TPD52: variants seen among roughly 807,000 people sequenced by gnomAD.
TPD52 encodes the protein prostate and colon associated protein.
Under a neutral mutation model 31.3 loss-of-function variants are expected in TPD52, and 17 were observed. The observed-to-expected ratio is 0.54, with a 90% CI of 0.37 to 0.82. TPD52 has a LOEUF of 0.82. Among genes scored for constraint, TPD52 ranks in the 40% least tolerant of loss-of-function variants. TPD52 has a pLI of 0.00. For synonymous variants in TPD52, 83 were observed against 89.6 expected, an observed-to-expected ratio of 0.93 and a Z score of 0.42; for missense variants, 212 against 240.1, an observed-to-expected ratio of 0.88 and a Z score of 0.77.
chr8:80,154,938 T>C (rs2131219213), intron 1 of TPD52, among the ~76,000 whole-genome samples: 1 of 151,978 alleles, frequency 6.6e-6, no homozygotes, highest in South Asian at 2.1e-4. Context: ...CTATTATAAT[T>C]GTTTTTTGGG....
intron 1 of TPD52, among the ~76,000 whole-genome samples, chr8:80,145,773 G>A (rs1054883613): frequency 6.6e-6 from 1 of 152,126 alleles, no homozygotes; most frequent in African/African-American, 2.4e-5. Flanking sequence ...ATTTTCACTT[G>A]TCCGAGATGA....
At chr8:80,116,382 G>T (rs1586330069) in intron 1 of TPD52, among the ~76,000 whole-genome samples, 1 of 150,822 alleles carries the variant, frequency 6.6e-6, no homozygotes, top group East Asian at 2.0e-4. Flanking sequence ...ATGACCAACT[G>T]TGTGCCAACA....
chr8:80,081,385 C>T (rs1297071923), intron 1 of TPD52, among the ~76,000 whole-genome samples: 1 of 120,852 alleles, frequency 8.3e-6, no homozygotes, highest in Non-Finnish European at 1.8e-5. Context: ...TTTCCTTTAA[C>T]ACAGTCTCTT....
In TPD52 at chr8:80,154,249, C is replaced by T. The variant is rs546393712; in HGVS notation, c.19+17176G>A. Among the ~76,000 whole-genome samples the T allele has an allele frequency of 2.0e-3, 304 of 152,286 alleles. 6 individuals are homozygous for T. The highest frequency in any genetic ancestry group is 3.8e-4 in the Non-Finnish European group (26 of 68,000). Reference sequence around the variant, plus strand: ...GAAGAGAGACAGAGAAGCAACGGGCCCTGTTGTCCCCCATGGGGAGTATCA... The same window carrying T: ...GAAGAGAGACAGAGAAGCAACGGGCTCTGTTGTCCCCCATGGGGAGTATCA... On this transcript the variant is annotated intron_variant, in intron 1 of 7. Transcript: ENST00000518937.
chr8:80,138,205 A>G (rs1809573115), intron 1 of TPD52, among the ~76,000 whole-genome samples: 1 of 152,218 alleles, frequency 6.6e-6, no homozygotes, highest in East Asian at 1.9e-4. Flanking sequence ...AGCCTCCCAA[A>G]GTGCTGAGAT....
intron 1 of TPD52, among the ~76,000 whole-genome samples, chr8:80,156,154 G>T (rs1810959729): frequency 6.6e-6 from 1 of 152,132 alleles, no homozygotes; most frequent in Non-Finnish European, 1.5e-5. Context: ...GAGGCTAGGG[G>T]CATCTGAAGG....
At chr8:80,064,742 C>T (rs936365707) in intron 1 of TPD52, 149 bp from the exon 2 acceptor site, 7 of 708,460 alleles carry the variant, frequency 9.9e-6, no homozygotes, top group African/African-American at 1.8e-5. Flanking sequence ...GCTTTCTCAG[C>T]AAAGGACAAA....
intron 1 of TPD52, among the ~76,000 whole-genome samples, chr8:80,168,777 A>G (rs945720821): frequency 2.6e-5 from 4 of 152,350 alleles, no homozygotes; most frequent in Middle Eastern, 3.4e-3. Context: ...CAGGGAAAAC[A>G]GAACAGGAGA....
intron 1 of TPD52, among the ~76,000 whole-genome samples, chr8:80,082,544 C>T (rs1815400097): frequency 6.6e-6 from 1 of 152,240 alleles, no homozygotes; most frequent in South Asian, 2.1e-4. Context: ...AAGCCCATGT[C>T]CTTGACCTTT....
At chr8:80,053,171 A>G in intron 3 of TPD52, 111 bp downstream of exon 3, 1 of 1,268,566 alleles carries the variant, frequency 7.9e-7, no homozygotes, top group Non-Finnish European at 1.1e-6. Flanking sequence ...CGTGTCGTCC[A>G]AAGAAAAGCT....
chr8:80,111,519 A>G (rs950805479), intron 1 of TPD52, among the ~76,000 whole-genome samples: 2 of 152,252 alleles, frequency 1.3e-5, no homozygotes, highest in African/African-American at 4.8e-5. Flanking sequence ...CTGAGTGACT[A>G]TGTTAGAATG....
At chr8:80,099,150 ATG>A (rs1806546661) in intron 1 of TPD52, among the ~76,000 whole-genome samples, 2 of 152,146 alleles carry the variant, frequency 1.3e-5, no homozygotes, top group Admixed American at 1.3e-4. Context: ...AAACCAAAAA[ATG>A]TGTGTGAGTC....
intron 3 of TPD52, chr8:80,052,949 G>A (rs1475594269): frequency 8.4e-6 from 2 of 237,320 alleles, no homozygotes; most frequent in Non-Finnish European, 1.7e-5. Context: ...CCTTATCCAG[G>A]GTTATCTTGC....
At chr8:80,038,959 C>T (rs1207707280) in intron 7 of TPD52, among the ~76,000 whole-genome samples, 1 of 152,246 alleles carries the variant, frequency 6.6e-6, no homozygotes, top group Non-Finnish European at 1.5e-5. Context: ...AAAACCCTTA[C>T]ACATGTCACT....
intron 1 of TPD52, among the ~76,000 whole-genome samples, chr8:80,066,263 T>C (rs1400264128): frequency 6.6e-6 from 1 of 152,222 alleles, no homozygotes; most frequent in Non-Finnish European, 1.5e-5. Context: ...GTACAGGCTC[T>C]ACTGTACACT....
At chr8:80,060,931 T>G (rs1486552615) in intron 2 of TPD52, among the ~76,000 whole-genome samples, 1 of 152,186 alleles carries the variant, frequency 6.6e-6, no homozygotes, top group African/African-American at 2.4e-5. Context: ...TTTTTACCAT[T>G]TTTACACAAT....
At chr8:80,094,762 T>G (rs12677390) in intron 1 of TPD52, among the ~76,000 whole-genome samples, 1 of 145,546 alleles carries the variant, frequency 6.9e-6, no homozygotes, top group Non-Finnish European at 1.5e-5. Flanking sequence ...TACCATAATT[T>G]AAAAAAAAAA....
intron 1 of TPD52, among the ~76,000 whole-genome samples, chr8:80,110,982 G>C (rs1190028656): frequency 6.6e-6 from 1 of 152,120 alleles, no homozygotes; most frequent in African/African-American, 2.4e-5. Flanking sequence ...GAGGTGGAAG[G>C]ATCACTTGAG....
chr8:80,042,199 AAC>A, intron 7 of TPD52: 8 of 985,460 alleles, frequency 8.1e-6, no homozygotes, highest in Non-Finnish European at 9.6e-6. Context: ...TTTAAAGCGT[AAC>A]AGCATAATAG....
Sources: allele counts gnomAD v4.1 joint callset (sites outside exome capture counted in the v4.1 genomes callset), GRCh38; gene constraint gnomAD v4.1.1; transcripts MANE v1.5; gene names NCBI Gene and HGNC (gene_info 2026-07-23, HGNC 2026-07-21).